The following SGCZ variants were observed in gnomAD, a reference collection of about 807,000 sequenced individuals.
SGCZ encodes the protein zeta-sarcoglycan.
Under a neutral mutation model 41.3 loss-of-function variants are expected in SGCZ, and 40 were observed. The observed-to-expected ratio is 0.97, with a 90% CI of 0.75 to 1.26. The LOEUF (loss-of-function observed/expected upper bound fraction) is 1.26, where lower values mean the gene tolerates loss of function less well. Ranked by LOEUF, SGCZ falls within the 50% of genes most tolerant of loss-of-function variation. The probability of loss-of-function intolerance (pLI) is 0.00; values close to 1 mark genes in which losing one functional copy is unlikely to be tolerated. For missense variants in SGCZ, 552 were observed against 369.8 expected (o/e 1.49, Z -4.04); for synonymous variants, 206 against 137.5 (o/e 1.50, Z -3.49).
At chr8:14,417,756 G>T (rs146826052) in intron 2 of SGCZ, among the ~76,000 whole-genome samples, 1 of 151,506 alleles carries the variant, frequency 6.6e-6, no homozygotes, top group African/African-American at 2.4e-5. Context: ...ACTATGTAAG[G>T]TGATAGATAT....
chr8:15,229,817 T>C (rs1801888173), intron 1 of SGCZ, among the ~76,000 whole-genome samples: 1 of 152,234 alleles, frequency 6.6e-6, no homozygotes, highest in Non-Finnish European at 1.5e-5. Flanking sequence ...AATTGGTTGC[T>C]TCTACCCAAG....
intron 1 of SGCZ, among the ~76,000 whole-genome samples, chr8:14,646,272 A>G (rs1807212484): frequency 6.6e-6 from 1 of 151,910 alleles, no homozygotes; most frequent in African/African-American, 2.4e-5. Context: ...CACAATGTTT[A>G]GTTCCCACTT....
At chr8:14,977,353 T>C (rs1360465135) in intron 1 of SGCZ, among the ~76,000 whole-genome samples, 1 of 152,210 alleles carries the variant, frequency 6.6e-6, no homozygotes, top group Non-Finnish European at 1.5e-5. Flanking sequence ...TAATGACTAA[T>C]GAGACAATCC....
chr8:14,325,711 T>C (rs1802071525), intron 2 of SGCZ, among the ~76,000 whole-genome samples: 2 of 140,918 alleles, frequency 1.4e-5, no homozygotes, highest in African/African-American at 2.6e-5. Flanking sequence ...TATATATACA[T>C]ATCTGTATAC....
intron 3 of SGCZ, among the ~76,000 whole-genome samples, chr8:14,238,905 A>C (rs943966405): frequency 2.0e-5 from 3 of 152,044 alleles, no homozygotes; most frequent in Non-Finnish European, 2.9e-5. Context: ...AAGTGCTTTC[A>C]TATGTAAGCT....
intron 5 of SGCZ, among the ~76,000 whole-genome samples, chr8:14,148,371 C>T (rs1031583657): frequency 6.6e-6 from 1 of 151,940 alleles, no homozygotes; most frequent in Non-Finnish European, 1.5e-5. Flanking sequence ...ACAACTGACA[C>T]TGCCAAAACG....
chr8:15,226,662 A>C lies in SGCZ; in HGVS notation c.39+10923T>G, dbSNP rs144674390. On this transcript the variant is annotated intron_variant, in intron 1 of 7. Coordinates refer to ENST00000382080, the MANE Select transcript of SGCZ (RefSeq NM_139167.4). ...ATGACTTGTGAAACTTTAAGAGAGAATACATAAATCCCTTCACGTTAATTC... is the reference window on the plus strand; with the variant it reads ...ATGACTTGTGAAACTTTAAGAGAGACTACATAAATCCCTTCACGTTAATTC... Among the ~76,000 whole-genome samples, 536 of 152,310 alleles carry C rather than the reference A, an allele frequency of 3.5e-3. 1 individual carries two copies. Among genetic ancestry groups the C allele is most frequent in the Non-Finnish European group, 6.5e-3 (442 of 68,012 alleles).
chr8:14,661,491 C>A (rs182687738), intron 1 of SGCZ, among the ~76,000 whole-genome samples: 274 of 152,128 alleles, frequency 1.8e-3, no homozygotes, highest in Non-Finnish European at 3.0e-3. Context: ...TTTAGAAATC[C>A]TCTTTTCAAA....
chr8:14,399,112 A>T (rs946679047), intron 2 of SGCZ, among the ~76,000 whole-genome samples: 3 of 152,144 alleles, frequency 2.0e-5, no homozygotes, highest in Admixed American at 1.3e-4. Context: ...CTGAAAAGAA[A>T]GTGGCACTCC....
rs1016670803 is a variant in SGCZ, at chr8:14,659,731, G to A, written c.40-104805C>T. On this transcript the variant is annotated intron_variant, in intron 1 of 7. Coordinates refer to ENST00000382080, the MANE Select transcript of SGCZ (RefSeq NM_139167.4). ...GTCACAGGAAATTCATGAAGCAATAGTGCTGATATTGATTAAATTGTCTCC... is the reference window on the plus strand; with the variant it reads ...GTCACAGGAAATTCATGAAGCAATAATGCTGATATTGATTAAATTGTCTCC... Among the ~76,000 whole-genome samples the A allele has an allele frequency of 4.6e-5, 7 of 152,152 alleles. 1 individual carries two copies. The highest frequency in any genetic ancestry group is 3.9e-4 in the Admixed American group (6 of 15,258).
chr8:14,495,589 T>C (rs1173263213), intron 2 of SGCZ, among the ~76,000 whole-genome samples: 2 of 152,178 alleles, frequency 1.3e-5, no homozygotes, highest in African/African-American at 2.4e-5. Context: ...TTATGCATTT[T>C]ACATATATTT....
chr8:14,309,203 CT>C, intron 3 of SGCZ: 1 of 1,490,192 alleles, frequency 6.7e-7, no homozygotes, highest in Admixed American at 1.7e-5. Flanking sequence ...CCTGCTGCGG[CT>C]GATCTCTAAG....
chr8:14,358,114 C>A (rs10098413), intron 2 of SGCZ, among the ~76,000 whole-genome samples: 4,001 of 152,140 alleles, frequency 0.026, 148 homozygotes, highest in African/African-American at 0.09. Context: ...ATAAAAGCAC[C>A]CCTTATGTAT....
At chr8:14,842,389 A>G (rs1802952118) in intron 1 of SGCZ, among the ~76,000 whole-genome samples, 1 of 151,778 alleles carries the variant, frequency 6.6e-6, no homozygotes, top group African/African-American at 2.4e-5. Flanking sequence ...AGGAAGGAAG[A>G]CAAAACAAGA....
chr8:14,551,378 A>G lies in SGCZ; in HGVS notation c.234+3354T>C, dbSNP rs1803803912. ...ATAGTAATCAACCAAATAGCAATTG[A>G]TAACATGGAAATGGGTTGTACTGAC... On this transcript the variant is annotated intron_variant, in intron 2 of 7. Coordinates refer to ENST00000382080, the MANE Select transcript of SGCZ (RefSeq NM_139167.4). 3.9e-5 allele frequency among the ~76,000 whole-genome samples: 5 copies of G among 128,210 alleles called. No homozygotes were observed. The South Asian group carries it at 1.2e-3, about 30-fold the overall frequency. The allele number at this position is 128,210 out of a possible 152,430, so 84.1% of individuals were successfully genotyped here. A position where few individuals can be genotyped will look rare whatever the true frequency, so the allele number is the denominator to read the frequency against.
At chr8:14,678,196 T>C (rs914277606) in intron 1 of SGCZ, among the ~76,000 whole-genome samples, 4 of 152,164 alleles carry the variant, frequency 2.6e-5, no homozygotes, top group Admixed American at 1.3e-4. Flanking sequence ...AAATTGGATT[T>C]CATTAAAATA....
intron 1 of SGCZ, among the ~76,000 whole-genome samples, chr8:15,147,396 A>T (rs1268642603): frequency 6.6e-6 from 1 of 152,104 alleles, no homozygotes; most frequent in African/African-American, 2.4e-5. Context: ...CTCCTGCCTC[A>T]GCCTCCCGAG....
chr8:14,754,849 G>A (rs1176152954), intron 1 of SGCZ, among the ~76,000 whole-genome samples: 1 of 152,110 alleles, frequency 6.6e-6, no homozygotes, highest in Non-Finnish European at 1.5e-5. Flanking sequence ...CAAGTCCCAA[G>A]TAGCTGGGAC....
chr8:14,971,675 G>C (rs1420897574), intron 1 of SGCZ, among the ~76,000 whole-genome samples: 1 of 138,280 alleles, frequency 7.2e-6, no homozygotes, highest in Non-Finnish European at 1.5e-5. Context: ...TAATGCGACG[G>C]AGTCCTGCTC....
Sources: allele counts gnomAD v4.1 joint callset (sites outside exome capture counted in the v4.1 genomes callset), GRCh38; gene constraint gnomAD v4.1.1; transcripts MANE v1.5; gene names NCBI Gene and HGNC (gene_info 2026-07-23, HGNC 2026-07-21).